Variants in VPS13A observed in about 807,000 individuals in gnomAD.
VPS13A encodes the protein intermembrane lipid transfer protein VPS13A.
Under a neutral mutation model 390.9 loss-of-function variants are expected in VPS13A, and 264 were observed. The observed-to-expected ratio is 0.68, with a 90% CI of 0.61 to 0.75. The LOEUF is 0.75. Ranked by LOEUF, VPS13A falls within the 30% of genes least tolerant of loss-of-function variation. The probability of loss-of-function intolerance (pLI) is 0.00; values close to 1 mark genes in which losing one functional copy is unlikely to be tolerated. For synonymous variants in VPS13A, 1,231 were observed against 1,227.1 expected (o/e 1.00, Z -0.07); for missense variants, 3,409 against 3,733.9 (o/e 0.91, Z 2.27).
At chr9:77,336,444 A>T (rs1280243592) in intron 46 of VPS13A, among the ~76,000 whole-genome samples, 1 of 152,278 alleles carries the variant, frequency 6.6e-6, no homozygotes, top group South Asian at 2.1e-4. Flanking sequence ...GCATCTATTG[A>T]CTACGTTTTA....
intron 17 of VPS13A, among the ~76,000 whole-genome samples, chr9:77,229,222 G>T (rs2131204160): frequency 6.6e-6 from 1 of 152,040 alleles, no homozygotes; most frequent in Non-Finnish European, 1.5e-5. Context: ...GTGACTACAG[G>T]CGCGAGCCAC....
intron 19 of VPS13A, among the ~76,000 whole-genome samples, chr9:77,239,427 C>T (rs1824340217): frequency 6.6e-6 from 1 of 151,882 alleles, no homozygotes; most frequent in Non-Finnish European, 1.5e-5. Flanking sequence ...TTAAGACTGT[C>T]ATTAAGTACA....
At chr9:77,312,013 G>A (rs1786288538) in intron 35 of VPS13A, among the ~76,000 whole-genome samples, 1 of 152,128 alleles carries the variant, frequency 6.6e-6, no homozygotes, top group Non-Finnish European at 1.5e-5. Flanking sequence ...TAAAACAGTG[G>A]TGAAAGAAAT....
chr9:77,282,274 G>A lies in VPS13A; in HGVS notation c.3118G>A (p.Ala1040Thr), dbSNP rs943180874. The A allele has an allele frequency of 1.9e-6, 3 of 1,608,184 alleles. No individual in the cohort carries two copies. The highest frequency in any genetic ancestry group is 8.5e-7 in the Non-Finnish European group (1 of 1,177,958). The part of the protein sequence containing the change: ...EDKGDVIKKL[A>T]LKLSTNEDII... Reference sequence around the variant, plus strand: ...CAAAGGAGATGTCATTAAAAAATTAGGTATGTTTTTTAAAAATTTAGCATC... The same window carrying A: ...CAAAGGAGATGTCATTAAAAAATTAAGTATGTTTTTTAAAAATTTAGCATC... The change falls in exon 29 of 72, where the codon GCT becomes ACT. Residue 1040 changes from alanine to threonine, a missense_variant and splice_region_variant. Ala to Thr is a moderately conservative substitution (Grantham distance 58). Around this residue, in one of 5 missense-constraint regions of VPS13A, gnomAD observed 2,717 missense variants for 2,917.4 expected, o/e 0.93. Coordinates refer to ENST00000360280, the MANE Select transcript of VPS13A (RefSeq NM_033305.3).
intron 39 of VPS13A, 22 bp from the exon 40 acceptor site, chr9:77,317,583 TG>T: frequency 6.6e-7 from 1 of 1,517,466 alleles, no homozygotes; most frequent in Admixed American, 1.7e-5. Context: ...ATTAATTTAG[TG>T]GTATTGATTT....
chr9:77,209,639 T>G (rs1315407721), intron 6 of VPS13A, 107 bp downstream of exon 6: 2 of 729,584 alleles, frequency 2.7e-6, no homozygotes, highest in Non-Finnish European at 4.7e-6. Context: ...CCCAAAAGGT[T>G]ACAGAGCTAA....
Position 77,357,753 on chromosome 9 carries a change from G to A in VPS13A, c.7868G>A (p.Arg2623Gln), listed in dbSNP as rs765235573. Reference sequence around the variant, plus strand: ...CTGCAGCCGCATGTAATAGCTCTACGAAGAAATTATCTTCCAGCATTAAAA... The same window carrying A: ...CTGCAGCCGCATGTAATAGCTCTACAAAGAAATTATCTTCCAGCATTAAAA... ...KILQPHVIAL[R>Q]RNYLPALKVE... is the part of the protein sequence containing the mutation. Residue 2623 changes from arginine (R) to glutamine (Q), a missense_variant, in exon 56 of 72, where the codon CGA (arginine) becomes CAA (glutamine). By Grantham distance (43) the Arg-to-Gln change is conservative. Coordinates refer to ENST00000360280, the MANE Select transcript of VPS13A (RefSeq NM_033305.3). The A allele has an allele frequency of 1.7e-5, 27 of 1,613,702 alleles. No individual in the cohort carries two copies. Among genetic ancestry groups the A allele is most frequent in the East Asian group, 1.1e-4 (5 of 44,858 alleles).
At chr9:77,257,282 T>C (rs2131285915) in intron 22 of VPS13A, among the ~76,000 whole-genome samples, 1 of 152,294 alleles carries the variant, frequency 6.6e-6, no homozygotes, top group East Asian at 1.9e-4. Context: ...TCACCTAGGC[T>C]AGAGAACAGT....
At chr9:77,252,205 C>G in intron 21 of VPS13A, 30 bp from the exon 22 acceptor site, 1 of 1,518,106 alleles carries the variant, frequency 6.6e-7, no homozygotes. Context: ...GTTATAGTTA[C>G]GTTAAATATG....
chr9:77,220,455 G>A (rs1235946374), intron 12 of VPS13A, 72 bp downstream of exon 12: 7 of 1,067,070 alleles, frequency 6.6e-6, no homozygotes, highest in Non-Finnish European at 8.3e-6. Flanking sequence ...TCGACTTCAA[G>A]AATAATCTTT....
At chr9:77,200,838 T>G in intron 2 of VPS13A, among the ~76,000 whole-genome samples, 1 of 152,212 alleles carries the variant, frequency 6.6e-6, no homozygotes, top group East Asian at 1.9e-4. Flanking sequence ...AGCTCTTAGG[T>G]TTAGATCTTA....
At chr9:77,207,532 TTTTA>T (rs1225089200) in intron 5 of VPS13A, among the ~76,000 whole-genome samples, 2 of 151,668 alleles carry the variant, frequency 1.3e-5, no homozygotes, top group East Asian at 3.9e-4. Context: ...TATATAAATG[TTTTA>T]TTTATATATA....
chr9:77,252,108 C>T, intron 21 of VPS13A, 127 bp from the exon 22 acceptor site: 7 of 774,060 alleles, frequency 9.0e-6, no homozygotes, highest in Non-Finnish European at 1.6e-5. Context: ...GAGAATGTGA[C>T]ATTAAGATTA....
intron 47 of VPS13A, chr9:77,338,410 T>C (rs1830646731): frequency 6.6e-6 from 1 of 152,210 alleles, no homozygotes; most frequent in Admixed American, 6.5e-5. Flanking sequence ...AGATTTGAAA[T>C]TGCATCCTAG....
chr9:77,353,444 A>G lies in VPS13A; in HGVS notation c.7455A>G (p.Thr2485=), dbSNP rs1831587432. The G allele has an allele frequency of 6.2e-7, 1 of 1,611,666 alleles. No individual in the cohort carries two copies. Among genetic ancestry groups the G allele is most frequent in the African/African-American group, 1.3e-5 (1 of 74,538 alleles). Residue 2485 remains threonine (T), a synonymous_variant, in exon 54 of 72, where the codon ACA becomes ACG. Coordinates refer to ENST00000360280, the MANE Select transcript of VPS13A (RefSeq NM_033305.3). The stretch of plus-strand genomic sequence containing the variant: ...TGCCTATAGATTTGGGGGAAAAGAC[A>G]ATATATTTAGTTTCATTCTTTGAAG... ...MMMPIDLGEK[T]IYLVSFFEGL...
At chr9:77,214,193 A>G (rs1255418861) in intron 9 of VPS13A, 136 bp from the exon 10 acceptor site, 11 of 714,926 alleles carry the variant, frequency 1.5e-5, no homozygotes, top group Admixed American at 2.1e-5. Context: ...GGAGAATCGC[A>G]TGAGTCCATG....
intron 15 of VPS13A, among the ~76,000 whole-genome samples, chr9:77,226,932 C>G (rs1215828680): frequency 6.6e-6 from 1 of 152,034 alleles, no homozygotes; most frequent in Admixed American, 6.6e-5. Flanking sequence ...TGATTTTTAA[C>G]TAACAGCTTA....
chr9:77,279,976 G>C, intron 26 of VPS13A, 183 bp from the exon 27 acceptor site: 2 of 474,620 alleles, frequency 4.2e-6, no homozygotes, highest in Non-Finnish European at 7.6e-6. Context: ...GAATTGTGAG[G>C]AGAAATTAAA....
intron 53 of VPS13A, 32 bp from the exon 54 acceptor site, chr9:77,353,377 G>GTTTTTTTTTTTTTTTTT: frequency 7.8e-7 from 1 of 1,276,010 alleles, no homozygotes; most frequent in Non-Finnish European, 1.1e-6. Context: ...TAATTTTTTG[G>GTTTTTTTTTTTTTTTTT]TTTTTTTTTT....
Sources: allele counts gnomAD v4.1 joint callset (sites outside exome capture counted in the v4.1 genomes callset), GRCh38; gene constraint gnomAD v4.1.1; regional missense constraint gnomAD v4.1.1; transcripts MANE v1.5; gene names NCBI Gene and HGNC (gene_info 2026-07-23, HGNC 2026-07-21).